Variants in RERE observed in about 807,000 individuals in gnomAD.
The protein encoded by RERE is arginine-glutamic acid dipeptide repeats, also known as arginine-glutamic acid dipeptide repeats protein.
In RERE, 40 loss-of-function variants were observed where a neutral mutation model predicts 146.1. The ratio of observed to expected loss-of-function variants is 0.27; its 90% CI spans 0.21 to 0.36. RERE has a LOEUF of 0.36. RERE is among the 10% of genes least tolerant of loss of function. RERE has a pLI of 1.00. For missense variants in RERE, 1,933 were observed against 2,138.7 expected, an observed-to-expected ratio of 0.90 and a Z score of 1.90; for synonymous variants, 1,003 against 866.0, an observed-to-expected ratio of 1.16 and a Z score of -2.78.
intron 12 of RERE, among the ~76,000 whole-genome samples, chr1:8,382,700 A>G (rs1642500023): frequency 6.6e-6 from 1 of 152,132 alleles, no homozygotes; most frequent in Admixed American, 6.5e-5. Context: ...AACAGCTGCC[A>G]CTGGCTGCAC....
intron 2 of RERE, among the ~76,000 whole-genome samples, chr1:8,635,674 C>T (rs917389626): frequency 1.5e-4 from 23 of 151,972 alleles, no homozygotes; most frequent in Non-Finnish European, 3.1e-4. Flanking sequence ...TAAGACTTCC[C>T]CATTCTAAAC....
In RERE at chr1:8,817,361, T is replaced by C. The variant is rs1017589512; in HGVS notation, c.-346A>G. On this transcript the variant is annotated 5_prime_UTR_variant, in exon 1 of 23. Transcript: ENST00000400908. ...CCTTTCCTGCGACTTGAACCTAGGC[T>C]CCCTCCTCCTCGGTCGGGCAGATCT... 6.6e-6 allele frequency: 1 copy of C among 151,264 alleles called. No homozygotes were observed. The highest frequency in any genetic ancestry group is 1.5e-5 in the Non-Finnish European group (1 of 67,940). 9.4% of individuals were successfully genotyped at this position (151,264 alleles called of 1,614,324 possible).
At chr1:8,453,799 A>C (rs1342133067) in intron 11 of RERE, among the ~76,000 whole-genome samples, 2 of 140,672 alleles carry the variant, frequency 1.4e-5, no homozygotes, top group Non-Finnish European at 3.1e-5. Context: ...ACAGAGCAAG[A>C]CTCTGTCTCA....
intron 4 of RERE, among the ~76,000 whole-genome samples, chr1:8,576,738 A>G (rs1183016482): frequency 6.6e-6 from 1 of 152,242 alleles, no homozygotes; most frequent in Non-Finnish European, 1.5e-5. Flanking sequence ...TGGCCAGGTT[A>G]TGGGAAAAGG....
intron 1 of RERE, among the ~76,000 whole-genome samples, chr1:8,772,741 T>C (rs1276324844): frequency 6.6e-6 from 1 of 151,890 alleles, no homozygotes; most frequent in African/African-American, 2.4e-5. Context: ...GATTGGCCAC[T>C]GCACTCCAGC....
rs1641532908 is a variant in RERE at position 8,360,697 on chromosome 1, G to A, written c.2810C>T (p.Pro937Leu). Reference sequence around the variant, plus strand: ...GTGGGCCTGTGGCGCCGGCAGCTGGGGGATGGGAGTGGTAGGCGGGGGCTT... The same window carrying A: ...GTGGGCCTGTGGCGCCGGCAGCTGGAGGATGGGAGTGGTAGGCGGGGGCTT... ...HIKPPPTTPI[P>L]QLPAPQAHKH... Residue 937 changes from proline to leucine, a missense_variant, in exon 18 of 23, where the codon CCC becomes CTC. Pro to Leu is a moderately conservative substitution (Grantham distance 98, BLOSUM62 -3). Coordinates refer to ENST00000400908, the MANE Select transcript of RERE (RefSeq NM_001042681.2). The A allele has an allele frequency of 6.4e-7, 1 of 1,566,070 alleles. No homozygotes were observed. Among genetic ancestry groups the A allele is most frequent in the Non-Finnish European group, 8.6e-7 (1 of 1,157,052 alleles).
intron 8 of RERE, among the ~76,000 whole-genome samples, chr1:8,498,758 CACACACACACAT>C (rs1375144027): frequency 1.3e-5 from 2 of 149,456 alleles, no homozygotes; most frequent in African/African-American, 4.9e-5. Flanking sequence ...CACACACACA[CACACACACACAT>C]ATGTAGTTGA....
Position 8,361,066 on chromosome 1 carries a change from G to C in RERE, c.2441C>G (p.Pro814Arg). ...PALHPQRPPS[P>R]HPPPHPSPHP... The stretch of plus-strand genomic sequence containing the variant: ...TGGCGAGGGATGCGGCGGGGGATGC[G>C]GTGAGGGCGGCCGCTGGGGGTGCAA... The change falls in exon 18 of 23, where the codon CCG (proline) becomes CGG (arginine). Residue 814 changes from proline (P) to arginine (R), a missense_variant. Pro to Arg is a moderately radical substitution (Grantham distance 103). Around this residue, in one of 11 missense-constraint regions of RERE, gnomAD observed 1,255 missense variants for 1,153.8 expected, o/e 1.09. Coordinates refer to ENST00000400908, the MANE Select transcript of RERE (RefSeq NM_001042681.2). 1 of 1,439,056 alleles carries C rather than the reference G, an allele frequency of 6.9e-7. No homozygotes were observed. The highest frequency in any genetic ancestry group is 9.1e-7 in the Non-Finnish European group (1 of 1,101,490). The allele number at this position is 1,439,056 out of a possible 1,614,324, so 89.1% of individuals were successfully genotyped here. A position where few individuals can be genotyped will look rare whatever the true frequency, so the allele number is the denominator to read the frequency against.
At chr1:8,550,312 T>TGATG in intron 6 of RERE, among the ~76,000 whole-genome samples, 1 of 152,302 alleles carries the variant, frequency 6.6e-6, no homozygotes, top group East Asian at 1.9e-4. Context: ...AAGTGTTAAA[T>TGATG]GATGAATGAA....
chr1:8,548,877 C>A (rs900768603), intron 6 of RERE, among the ~76,000 whole-genome samples: 1 of 151,924 alleles, frequency 6.6e-6, no homozygotes, highest in African/African-American at 2.4e-5. Context: ...CTCAGCCACT[C>A]GGGAGGCTGA....
chr1:8,718,468 G>A (rs1639801909), intron 1 of RERE, among the ~76,000 whole-genome samples: 1 of 152,234 alleles, frequency 6.6e-6, no homozygotes, highest in Admixed American at 6.5e-5. Context: ...GAGAAATGGT[G>A]CAAGCCAATG....
At chr1:8,696,277 T>C (rs947139198) in intron 1 of RERE, among the ~76,000 whole-genome samples, 2 of 152,050 alleles carry the variant, frequency 1.3e-5, no homozygotes, top group Non-Finnish European at 2.9e-5. Flanking sequence ...ACCAAAGACA[T>C]GGAATCAACC....
intron 8 of RERE, among the ~76,000 whole-genome samples, chr1:8,502,308 T>G (rs1474612663): frequency 2.2e-5 from 2 of 90,720 alleles, no homozygotes; most frequent in Admixed American, 9.9e-5. Context: ...CCCCTCTGCC[T>G]GGCGAGCCGC....
At chr1:8,621,959 C>A (rs1475501878) in intron 3 of RERE, among the ~76,000 whole-genome samples, 1 of 152,158 alleles carries the variant, frequency 6.6e-6, no homozygotes, top group Non-Finnish European at 1.5e-5. Flanking sequence ...TGTTCTTACA[C>A]AACAACTATG....
At chr1:8,666,292 C>T (rs908520075) in intron 1 of RERE, among the ~76,000 whole-genome samples, 1 of 152,156 alleles carries the variant, frequency 6.6e-6, no homozygotes, top group East Asian at 1.9e-4. Flanking sequence ...AACCGAGGTA[C>T]CTCAAGTACT....
At chr1:8,367,406 G>A (rs1408796087) in intron 12 of RERE, among the ~76,000 whole-genome samples, 1 of 152,180 alleles carries the variant, frequency 6.6e-6, no homozygotes, top group African/African-American at 2.4e-5. Flanking sequence ...GTGGGACCAC[G>A]GCTGCGGTCC....
chr1:8,796,795 G>C (rs1641483444), intron 1 of RERE: 1 of 152,018 alleles, frequency 6.6e-6, no homozygotes, highest in African/African-American at 2.4e-5. Context: ...ACAATTTTAG[G>C]AATATTTTAC....
chr1:8,586,331 A>G (rs1646427951), intron 4 of RERE, among the ~76,000 whole-genome samples: 2 of 152,212 alleles, frequency 1.3e-5, no homozygotes, highest in South Asian at 4.1e-4. Context: ...TTCCTTAGGG[A>G]AAGAAGGAAT....
intron 2 of RERE, among the ~76,000 whole-genome samples, chr1:8,626,886 C>T (rs1257708086): frequency 6.6e-6 from 1 of 152,204 alleles, no homozygotes; most frequent in Non-Finnish European, 1.5e-5. Context: ...CTTACAGCTA[C>T]TACTCACTGG....
Sources: allele counts gnomAD v4.1 joint callset (sites outside exome capture counted in the v4.1 genomes callset), GRCh38; gene constraint gnomAD v4.1.1; regional missense constraint gnomAD v4.1.1; transcripts MANE v1.5; gene names NCBI Gene and HGNC (gene_info 2026-07-23, HGNC 2026-07-21).